Variants in DNMBP observed in about 807,000 individuals in gnomAD.
DNMBP encodes the protein dynamin-binding protein.
DNMBP carries 87 observed loss-of-function variants against 150.0 expected under a neutral mutation model. The observed-to-expected ratio is 0.58, with a 90% CI of 0.49 to 0.69. The LOEUF (loss-of-function observed/expected upper bound fraction) is 0.69, where lower values mean the gene tolerates loss of function less well. Ranked by LOEUF, DNMBP falls within the 30% of genes least tolerant of loss-of-function variation. The pLI, the probability that DNMBP is intolerant of heterozygous loss-of-function variation, is 0.00. For synonymous variants in DNMBP, 711 were observed against 750.4 expected (o/e 0.95, Z 0.86); for missense variants, 1,774 against 1,949.0 (o/e 0.91, Z 1.69).
chr10:99,981,815 TG>T (rs1170318394), intron 1 of DNMBP, among the ~76,000 whole-genome samples: 1 of 152,096 alleles, frequency 6.6e-6, no homozygotes, highest in East Asian at 1.9e-4. Flanking sequence ...ACAGTGAGAT[TG>T]TGATATTTAC....
intron 6 of DNMBP, among the ~76,000 whole-genome samples, chr10:99,903,778 C>G (rs189935000): frequency 1.3e-5 from 2 of 152,182 alleles, no homozygotes; most frequent in Non-Finnish European, 2.9e-5. Flanking sequence ...ACATTCAATT[C>G]GCCGTTCTTC....
rs777435616 is a variant in DNMBP, at chr10:99,909,005, C to T, written c.2402G>A (p.Arg801Gln). The T allele has an allele frequency of 3.1e-6, 5 of 1,614,038 alleles. No homozygotes were observed. The African/African-American group carries it at 5.3e-5, about 17-fold the overall frequency. ...ELLQTERDYI[R>Q]DLEMCIERIM... Reference sequence around the variant, plus strand: ...CCGCTCAATACACATTTCCAGATCCCGAATGTAGTCTCTTTCTGTCTGAAG... The same window carrying T: ...CCGCTCAATACACATTTCCAGATCCTGAATGTAGTCTCTTTCTGTCTGAAG... The change falls in exon 5 of 17, where the codon CGG becomes CAG. Residue 801 changes from arginine (R) to glutamine (Q), a missense_variant. Coordinates refer to ENST00000324109, the MANE Select transcript of DNMBP (RefSeq NM_015221.4).
At chr10:99,968,523 C>T (rs2040642964) in intron 3 of DNMBP, among the ~76,000 whole-genome samples, 1 of 151,878 alleles carries the variant, frequency 6.6e-6, no homozygotes, top group South Asian at 2.1e-4. Flanking sequence ...CCCATCTCTA[C>T]CAAAAATACT....
At position 99,923,750 on chromosome 10, in the gene DNMBP, A is replaced by G. The variant is rs145814542; in HGVS notation, c.2261-14604T>C. On this transcript the variant is annotated intron_variant, in intron 4 of 16. Transcript: ENST00000324109. ...CTATGTCTTTCTCATAGTTTCCCCAACCAGAACTGTTCTCCTTGCTTCTCT... is the reference window on the plus strand; with the variant it reads ...CTATGTCTTTCTCATAGTTTCCCCAGCCAGAACTGTTCTCCTTGCTTCTCT... Among the ~76,000 whole-genome samples, 1,425 of 148,494 alleles carry G rather than the reference A, an allele frequency of 9.6e-3. 18 individuals are homozygous for G. Among genetic ancestry groups the G allele is most frequent in the Middle Eastern group, 0.043 (12 of 280 alleles).
Position 99,955,551 on chromosome 10 carries a change from G to A in DNMBP, c.1923C>T (p.Pro641=), listed in dbSNP as rs1178817123. ...AGGGAGGCAGGGGAGCTGGGCGAGA[G>A]GGTCGCACCACCAAGGGTGGTGCAG... The part of the protein sequence containing the change: ...LKPAPPLVVR[P]SRPAPLPPSA... The change falls in exon 4 of 17, where the codon CCC becomes CCT. Residue 641 remains proline (P), a synonymous_variant. Coordinates refer to ENST00000324109, the MANE Select transcript of DNMBP (RefSeq NM_015221.4). The A allele has an allele frequency of 1.9e-6, 3 of 1,600,808 alleles. No homozygotes were observed. Among genetic ancestry groups the A allele is most frequent in the Non-Finnish European group, 2.6e-6 (3 of 1,173,928 alleles).
chr10:99,957,300 C>A (rs2040511858), intron 3 of DNMBP, 95 bp from the exon 4 acceptor site: 1 of 1,116,788 alleles, frequency 9.0e-7, no homozygotes, highest in Non-Finnish European at 1.3e-6. Flanking sequence ...AAACAGCTAC[C>A]AAATTCAAGG....
At chr10:99,904,723 C>T (rs1283557720) in intron 6 of DNMBP, among the ~76,000 whole-genome samples, 2 of 152,078 alleles carry the variant, frequency 1.3e-5, no homozygotes, top group South Asian at 2.1e-4. Flanking sequence ...TTCAACACAT[C>T]GAAGCCTGCT....
Position 99,956,427 on chromosome 10 carries a change from A to G in DNMBP, c.1047T>C (p.Pro349=), listed in dbSNP as rs760861238. 6 of 1,613,910 alleles carry G rather than the reference A, an allele frequency of 3.7e-6. No homozygotes were observed. The highest frequency in any genetic ancestry group is 5.1e-6 in the Non-Finnish European group (6 of 1,180,018). The change falls in exon 4 of 17, where the codon CCT becomes CCC. Residue 349 remains proline, a synonymous_variant. Coordinates refer to ENST00000324109, the MANE Select transcript of DNMBP (RefSeq NM_015221.4). ...HETSDHEAEE[P]DCIISEAPTS... ...TGGGTGCTTCAGAAATAATGCAGTC[A>G]GGCTCCTCGGCCTCATGGTCACTGG...
intron 4 of DNMBP, chr10:99,913,953 C>A: frequency 1.4e-5 from 19 of 1,391,180 alleles, no homozygotes; most frequent in Non-Finnish European, 1.8e-5. Flanking sequence ...CAGGACCTAC[C>A]TGCAGTGCCC....
intron 6 of DNMBP, among the ~76,000 whole-genome samples, chr10:99,905,971 A>G (rs1185409657): frequency 3.3e-5 from 5 of 152,218 alleles, no homozygotes; most frequent in African/African-American, 1.2e-4. Flanking sequence ...CCCTGTCTAA[A>G]AAAAGAAGAA....
At chr10:100,004,545 T>C (rs538133713) in intron 1 of DNMBP, among the ~76,000 whole-genome samples, 2 of 152,104 alleles carry the variant, frequency 1.3e-5, no homozygotes, top group Non-Finnish European at 1.5e-5. Context: ...CATAATTTCA[T>C]AGAGGAAAGC....
intron 1 of DNMBP, among the ~76,000 whole-genome samples, chr10:99,979,280 C>G (rs1467364877): frequency 6.6e-6 from 1 of 152,168 alleles, no homozygotes; most frequent in Non-Finnish European, 1.5e-5. Flanking sequence ...CAACTCCTAT[C>G]ACCAAGTATC....
intron 3 of DNMBP, among the ~76,000 whole-genome samples, chr10:99,962,640 A>G (rs953399503): frequency 2.0e-5 from 3 of 151,940 alleles, no homozygotes; most frequent in African/African-American, 7.3e-5. Flanking sequence ...CAAAAAAAAA[A>G]ACAAACAAAA....
At chr10:99,997,790 T>C (rs1294657594) in intron 1 of DNMBP, among the ~76,000 whole-genome samples, 1 of 151,334 alleles carries the variant, frequency 6.6e-6, no homozygotes, top group Non-Finnish European at 1.5e-5. Context: ...ATTCCAGGCA[T>C]GGTGGCTCAC....
intron 4 of DNMBP, among the ~76,000 whole-genome samples, chr10:99,945,751 A>G (rs1364889029): frequency 6.6e-6 from 1 of 152,228 alleles, no homozygotes; most frequent in African/African-American, 2.4e-5. Context: ...TTTTAACAGA[A>G]GAAATACAAA....
rs1295049100 is a variant in DNMBP, at chr10:99,875,604, A to G, written c.*1547T>C. ...CATTAGAAATGCTTTTATTTATAAA[A>G]GAACTACTTAAATATAAACATCTCT... On this transcript the variant is annotated 3_prime_UTR_variant, in exon 17 of 17. Coordinates refer to ENST00000324109, the MANE Select transcript of DNMBP (RefSeq NM_015221.4). 1 of 152,236 alleles carries G rather than the reference A, an allele frequency of 6.6e-6. No individual in the cohort carries two copies. The highest frequency in any genetic ancestry group is 1.5e-5 in the Non-Finnish European group (1 of 68,052). 9.4% of individuals were successfully genotyped at this position (152,236 alleles called of 1,614,324 possible). A position where few individuals can be genotyped will look rare whatever the true frequency, so the allele number is the denominator to read the frequency against.
rs1309484363 is a variant in DNMBP, at chr10:99,896,391, T to C, written c.2927A>G (p.Lys976Arg). 1.9e-6 allele frequency: 3 copies of C among 1,614,204 alleles called. No homozygotes were observed. The highest frequency in any genetic ancestry group is 3.3e-5 in the Admixed American group (2 of 60,024). ...EYKRRKDLVLKYRKGDEDSLM... is the reference protein window; with the variant it reads ...EYKRRKDLVLRYRKGDEDSLM... ...GCTATCTTCATCACCCTTACGGTAC[T>C]TGAGGACTAGGGAGTAAGTCAGAAA... The change falls in exon 10 of 17, where the codon AAG (lysine) becomes AGG (arginine). Residue 976 changes from lysine (K) to arginine (R), a missense_variant. By Grantham distance (26) the Lys-to-Arg change is conservative. Transcript: ENST00000324109.
chr10:99,981,647 A>G lies in DNMBP; in HGVS notation c.-10-9513T>C, dbSNP rs917750817. 7.9e-5 allele frequency among the ~76,000 whole-genome samples: 12 copies of G among 152,312 alleles called. 1 individual carries two copies. In the South Asian group the frequency reaches 2.3e-3, roughly 29 times the overall value. ...GAATCAAAGTCTGAACTTGGCACAG[A>G]TTGAGGATACCGAAAATCTGCCCTT... On this transcript the variant is annotated intron_variant, in intron 1 of 16. Coordinates refer to ENST00000324109, the MANE Select transcript of DNMBP (RefSeq NM_015221.4).
intron 15 of DNMBP, among the ~76,000 whole-genome samples, chr10:99,883,632 C>A (rs2039403185): frequency 1.2e-5 from 1 of 82,870 alleles, no homozygotes; most frequent in African/African-American, 5.0e-5. Context: ...CAGAGCAAGA[C>A]TGCCACAAAA....
Sources: gnomAD v4.1 joint callset for allele counts (sites outside exome capture counted in the v4.1 genomes callset) on GRCh38, gnomAD v4.1.1 for gene constraint, MANE v1.5 for transcripts, NCBI Gene and HGNC (gene_info 2026-07-23, HGNC 2026-07-21) for gene names.